Variants in DNA2 observed in about 807,000 individuals in gnomAD.
DNA2 encodes DNA replication ATP-dependent helicase/nuclease DNA2.
Under a neutral mutation model 119.1 loss-of-function variants are expected in DNA2, and 101 were observed. The ratio of observed to expected loss-of-function variants is 0.85; its 90% CI spans 0.72 to 1.00. DNA2 has a LOEUF of 1.00. DNA2 is among the 50% of genes least tolerant of loss of function. The pLI, the probability that DNA2 is intolerant of heterozygous loss-of-function variation, is 0.00. For synonymous variants in DNA2, 366 were observed against 424.4 expected, an observed-to-expected ratio of 0.86 and a Z score of 1.69; for missense variants, 1,121 against 1,255.5, an observed-to-expected ratio of 0.89 and a Z score of 1.62.
intron 10 of DNA2, 105 bp from the exon 11 acceptor site, chr10:68,432,615 TA>T: frequency 1.4e-6 from 1 of 709,118 alleles, no homozygotes; most frequent in Non-Finnish European, 2.4e-6. Context: ...GAATAGCTAT[TA>T]AAATAGCTAC....
intron 14 of DNA2, among the ~76,000 whole-genome samples, chr10:68,427,822 G>A (rs554227418): frequency 6.2e-4 from 93 of 151,018 alleles, no homozygotes; most frequent in Non-Finnish European, 8.0e-4. Flanking sequence ...TCACGAGGTC[G>A]GGAGCTCAAG....
intron 1 of DNA2, among the ~76,000 whole-genome samples, chr10:68,470,811 T>G (rs1344063213): frequency 6.6e-6 from 1 of 152,146 alleles, no homozygotes; most frequent in Non-Finnish European, 1.5e-5. Flanking sequence ...CACAGAATTG[T>G]ACTTAGAAAT....
intron 8 of DNA2, 47 bp from the exon 9 acceptor site, chr10:68,443,158 G>A (rs2051993455): frequency 6.8e-7 from 1 of 1,478,250 alleles, no homozygotes; most frequent in South Asian, 1.3e-5. Flanking sequence ...CCATTTCCCT[G>A]GCTGGGTACG....
chr10:68,468,481 C>T (rs2052351649), intron 2 of DNA2, among the ~76,000 whole-genome samples, 175 bp from the exon 3 acceptor site: 1 of 151,860 alleles, frequency 6.6e-6, no homozygotes, highest in Non-Finnish European at 1.5e-5. Flanking sequence ...TCTTCTAAAA[C>T]AACCCCTAGT....
intron 18 of DNA2, chr10:68,419,488 G>A (rs1306654020): frequency 4.1e-6 from 2 of 482,838 alleles, no homozygotes; most frequent in Non-Finnish European, 7.3e-6. Flanking sequence ...CACACACACA[G>A]TACAAAGAAA....
At chr10:68,467,302 G>A (rs2052338551) in intron 3 of DNA2, among the ~76,000 whole-genome samples, 1 of 151,950 alleles carries the variant, frequency 6.6e-6, no homozygotes, top group African/African-American at 2.4e-5. Context: ...GTAGAGACTG[G>A]TTTTCATCAT....
At chr10:68,435,130 T>G (rs1369198560) in intron 10 of DNA2, among the ~76,000 whole-genome samples, 1 of 152,046 alleles carries the variant, frequency 6.6e-6, no homozygotes, top group Non-Finnish European at 1.5e-5. Context: ...CTCAGCTCAC[T>G]GCAGCCTCAA....
intron 14 of DNA2, among the ~76,000 whole-genome samples, chr10:68,428,600 C>T (rs1412962356): frequency 1.3e-5 from 2 of 152,138 alleles, no homozygotes; most frequent in African/African-American, 4.8e-5. Context: ...TGGTTAAACA[C>T]AATGCAGTAC....
At chr10:68,472,119 T>C, upstream of DNA2, 1 of 1,478,618 alleles carries the variant, frequency 6.8e-7, no homozygotes, top group Non-Finnish European at 9.0e-7. Context: ...CAGGGAGTCT[T>C]CATATCTGAA....
intron 10 of DNA2, among the ~76,000 whole-genome samples, chr10:68,434,753 G>C (rs754823304): frequency 1.8e-4 from 28 of 152,130 alleles, no homozygotes; most frequent in Non-Finnish European, 1.8e-4. Context: ...TACTGCAAAG[G>C]ATACACAAAT....
chr10:68,429,711 CAAAAAA>C (rs1165329779), intron 14 of DNA2, among the ~76,000 whole-genome samples: 6 of 40,438 alleles, frequency 1.5e-4, no homozygotes, highest in Non-Finnish European at 2.6e-4. Flanking sequence ...GACTCCATCT[CAAAAAA>C]AAAAAAAAAA....
chr10:68,448,956 T>TGTGTGCGC (rs902945433), intron 6 of DNA2, among the ~76,000 whole-genome samples: 3 of 126,910 alleles, frequency 2.4e-5, no homozygotes, highest in Non-Finnish European at 4.9e-5. Context: ...TGTGTGTGTG[T>TGTGTGCGC]GTGTGTGTGT....
chr10:68,448,896 G>A (rs1162867040), intron 6 of DNA2, among the ~76,000 whole-genome samples: 7 of 151,834 alleles, frequency 4.6e-5, no homozygotes, highest in African/African-American at 7.3e-5. Context: ...TCAGCCTCCC[G>A]AGTAGCTGGG....
intron 2 of DNA2, among the ~76,000 whole-genome samples, chr10:68,468,562 A>T (rs1201018069): frequency 6.6e-6 from 1 of 152,212 alleles, no homozygotes; most frequent in East Asian, 1.9e-4. Context: ...CCCAAAGGGA[A>T]AACAACTTAG....
rs192660139 is a variant in DNA2, at chr10:68,460,655, G to A, written c.588-1420C>T. Among the ~76,000 whole-genome samples, 213 of 152,024 alleles carry A rather than the reference G, an allele frequency of 1.4e-3. 2 individuals carry two copies. The highest frequency in any genetic ancestry group is 4.7e-3 in the African/African-American group (196 of 41,488). ...ACCCCTGACCTCACGTGATCTGCCCGCCTCGGCCTCTGAAAGTGCTGGGAT... is the reference window on the plus strand; with the variant it reads ...ACCCCTGACCTCACGTGATCTGCCCACCTCGGCCTCTGAAAGTGCTGGGAT... On this transcript the variant is annotated intron_variant, in intron 4 of 20. Transcript: ENST00000358410.
chr10:68,471,608 T>C (rs978152559), intron 1 of DNA2, among the ~76,000 whole-genome samples, 183 bp downstream of exon 1: 5 of 152,106 alleles, frequency 3.3e-5, no homozygotes, highest in African/African-American at 4.8e-5. Flanking sequence ...TGGCTGAATG[T>C]GGCCCCAAAG....
chr10:68,454,247 G>C (rs923944678), intron 5 of DNA2, among the ~76,000 whole-genome samples: 1 of 151,672 alleles, frequency 6.6e-6, no homozygotes, highest in African/African-American at 2.4e-5. Flanking sequence ...ACAGTACCTG[G>C]TATAATCCTT....
At chr10:68,424,498 T>A in intron 14 of DNA2, 1 of 604,562 alleles carries the variant, frequency 1.7e-6, no homozygotes, top group Non-Finnish European at 3.0e-6. Context: ...AGTGAGTCAC[T>A]GTCTCAAAAA....
chr10:68,428,189 T>C (rs1459963936), intron 14 of DNA2, among the ~76,000 whole-genome samples: 3 of 151,774 alleles, frequency 2.0e-5, no homozygotes, highest in African/African-American at 7.3e-5. Context: ...TAGCTGGGCG[T>C]GGTGGCAGGC....
Sources: allele counts gnomAD v4.1 joint callset (sites outside exome capture counted in the v4.1 genomes callset), GRCh38; gene constraint gnomAD v4.1.1; transcripts MANE v1.5; gene names NCBI Gene and HGNC (gene_info 2026-07-23, HGNC 2026-07-21).